Variants in ZNF280D observed in about 807,000 individuals in gnomAD.
ZNF280D encodes zinc finger protein 280D.
A neutral mutation model predicts 94.7 loss-of-function variants in ZNF280D; 39 were observed. The ratio of observed to expected loss-of-function variants is 0.41; its 90% confidence interval spans 0.32 to 0.54. The LOEUF is 0.54. Among genes scored for constraint, ZNF280D ranks in the 20% least tolerant of loss-of-function variants. The pLI is 0.22. For synonymous variants in ZNF280D, 398 were observed against 377.6 expected (o/e 1.05, Z -0.63); for missense variants, 1,090 against 1,149.3 (o/e 0.95, Z 0.75).
intron 3 of ZNF280D, among the ~76,000 whole-genome samples, chr15:56,705,417 G>A (rs1407091912): frequency 6.6e-6 from 1 of 152,090 alleles, no homozygotes; most frequent in Non-Finnish European, 1.5e-5. Context: ...CTCCAGTCTG[G>A]AGCAAAGAGA....
In ZNF280D at chr15:56,658,431, T is replaced by C; in HGVS notation, c.2050A>G (p.Asn684Asp). 1 of 1,588,898 alleles carries C rather than the reference T, an allele frequency of 6.3e-7. No homozygotes were observed. The highest frequency in any genetic ancestry group is 2.3e-5 in the East Asian group (1 of 43,780). ...AAAAGATCAACTAGTTACCGGAGAT[T>C]TTCTGAATGCTTCTTAAAAATACAA... ...RFCIFKKHSE[N>D]LRGITLVCLN... Residue 684 changes from asparagine (N) to aspartate (D), a missense_variant, in exon 17 of 22, where the codon AAT becomes GAT. Physicochemically the swap from Asn to Asp is conservative, Grantham distance 23. Around this residue, in one of 3 missense-constraint regions of ZNF280D, gnomAD observed 577 missense variants for 568.8 expected, o/e 1.01. Coordinates refer to ENST00000267807, the MANE Select transcript of ZNF280D (RefSeq NM_017661.4).
intron 4 of ZNF280D, among the ~76,000 whole-genome samples, chr15:56,702,453 T>C (rs1365733196): frequency 1.3e-5 from 2 of 152,156 alleles, no homozygotes; most frequent in Non-Finnish European, 2.9e-5. Context: ...CTTAACACTG[T>C]AGAAAAGAAA....
intron 17 of ZNF280D, chr15:56,654,858 A>T (rs1362713111): frequency 2.2e-6 from 1 of 461,256 alleles, no homozygotes; most frequent in Admixed American, 2.3e-5. Flanking sequence ...AAGTGAACAT[A>T]GCGTATTCAT....
At position 56,682,244 on chromosome 15, in the gene ZNF280D, A is replaced by G; in HGVS notation, c.1004+10T>C. The G allele has an allele frequency of 6.6e-7, 1 of 1,515,936 alleles. No homozygotes were observed. The allele number at this position is 1,515,936 out of a possible 1,614,324, so 93.9% of individuals were successfully genotyped here. On this transcript the variant is annotated intron_variant, in intron 10 of 21. Coordinates refer to ENST00000267807, the MANE Select transcript of ZNF280D (RefSeq NM_017661.4). The stretch of plus-strand genomic sequence containing the variant: ...ATTTTCAATAGAAATAAAAACAAGT[A>G]TTTACATACCTAATGTTATTTTTTA...
intron 20 of ZNF280D, among the ~76,000 whole-genome samples, chr15:56,637,562 G>A (rs1596321417): frequency 2.0e-5 from 3 of 152,088 alleles, no homozygotes; most frequent in Admixed American, 6.5e-5. Flanking sequence ...TGAAGTCTAC[G>A]CAATTTTCAT....
chr15:56,680,928 C>T (rs1245278746), intron 10 of ZNF280D, among the ~76,000 whole-genome samples: 4 of 152,148 alleles, frequency 2.6e-5, no homozygotes, highest in African/African-American at 4.8e-5. Flanking sequence ...CATGATTTCC[C>T]GATGTTGGCA....
rs555540887 is a variant in ZNF280D at position 56,638,876 on chromosome 15, A to C, written c.2260-3626T>G. On this transcript the variant is annotated intron_variant, in intron 20 of 21. Transcript: ENST00000267807. ...ATGCAAGACAGCCCTGTCTCCATTC[A>C]AACACATACGGTTTTCAATGATTAT... 4.6e-5 allele frequency among the ~76,000 whole-genome samples: 7 copies of C among 152,228 alleles called. No homozygotes were observed. In the East Asian group the frequency reaches 1.4e-3, roughly 29 times the overall value.
chr15:56,685,326 T>C (rs755516974), intron 9 of ZNF280D, among the ~76,000 whole-genome samples: 1 of 141,774 alleles, frequency 7.1e-6, no homozygotes, highest in Non-Finnish European at 1.5e-5. Context: ...TCAAAACAAA[T>C]ATGACATAAG....
At chr15:56,704,386 T>C in intron 3 of ZNF280D, 119 bp from the exon 4 acceptor site, 2 of 983,298 alleles carry the variant, frequency 2.0e-6, no homozygotes, top group Non-Finnish European at 3.0e-6. Flanking sequence ...AATTTCTGAA[T>C]TGATATTTGT....
chr15:56,717,978 T>G (rs1415893502), intron 1 of ZNF280D, among the ~76,000 whole-genome samples: 1 of 152,114 alleles, frequency 6.6e-6, no homozygotes, highest in Non-Finnish European at 1.5e-5. Flanking sequence ...TATGAAAAAT[T>G]TAAACATTAT....
At chr15:56,719,493 G>A (rs1378105654) in intron 1 of ZNF280D, among the ~76,000 whole-genome samples, 1 of 152,066 alleles carries the variant, frequency 6.6e-6, no homozygotes, top group Non-Finnish European at 1.5e-5. Context: ...CCAAGCAGAT[G>A]CTGGTACCAC....
intron 1 of ZNF280D, 80 bp downstream of exon 1, chr15:56,733,378 C>T: frequency 2.3e-6 from 2 of 858,634 alleles, no homozygotes; most frequent in East Asian, 1.2e-4. Context: ...CCAGCGCCCC[C>T]GGAGTGAGGC....
intron 19 of ZNF280D, among the ~76,000 whole-genome samples, chr15:56,646,311 C>T (rs2052890205): frequency 6.6e-6 from 1 of 152,006 alleles, no homozygotes; most frequent in Non-Finnish European, 1.5e-5. Flanking sequence ...ACCTGAGTCC[C>T]AGCTCAGTCT....
chr15:56,715,719 C>CA lies in ZNF280D; in HGVS notation c.-85-8414dup, dbSNP rs563900103. Reference sequence around the variant, plus strand: ...TGGTAGTAACAGTTTTGTATTTGCCCAAAAAAAAAATTAACAAAAATATAA... The same window carrying CA: ...TGGTAGTAACAGTTTTGTATTTGCCCAAAAAAAAAAATTAACAAAAATATAA... On this transcript the variant is annotated intron_variant, in intron 1 of 21. Coordinates refer to ENST00000267807, the MANE Select transcript of ZNF280D (RefSeq NM_017661.4). Among the ~76,000 whole-genome samples, 82 of 147,722 alleles carry CA rather than the reference C, an allele frequency of 5.6e-4. No individual in the cohort carries two copies. The South Asian group carries it at 8.7e-3, about 16-fold the overall frequency.
chr15:56,660,854 C>G (rs766209367), intron 16 of ZNF280D, among the ~76,000 whole-genome samples: 3 of 151,908 alleles, frequency 2.0e-5, no homozygotes, highest in Admixed American at 2.0e-4. Context: ...TAAGTAACAA[C>G]CTTACTTTCT....
chr15:56,640,965 T>C (rs1436857031), intron 20 of ZNF280D, among the ~76,000 whole-genome samples: 1 of 152,120 alleles, frequency 6.6e-6, no homozygotes, highest in Non-Finnish European at 1.5e-5. Context: ...GATGTATTTA[T>C]ACAAAACAAT....
chr15:56,641,434 CTTTT>C (rs2052623464), intron 20 of ZNF280D, among the ~76,000 whole-genome samples: 1 of 151,980 alleles, frequency 6.6e-6, no homozygotes, highest in African/African-American at 2.4e-5. Flanking sequence ...GATATTATAT[CTTTT>C]AATATTTGAT....
At chr15:56,702,541 A>G (rs1354098126) in intron 4 of ZNF280D, among the ~76,000 whole-genome samples, 1 of 152,192 alleles carries the variant, frequency 6.6e-6, no homozygotes, top group Non-Finnish European at 1.5e-5. Context: ...TACCATGAAG[A>G]GTCATCTACA....
In ZNF280D at chr15:56,676,690, G is replaced by A; in HGVS notation, c.1390C>T (p.His464Tyr). The change falls in exon 13 of 22, where the codon CAT becomes TAT. Residue 464 changes from histidine (H) to tyrosine (Y), a missense_variant. His to Tyr is a moderately conservative substitution (Grantham distance 83, BLOSUM62 2). This residue lies in a region of ZNF280D where 127 missense variants were observed against 208.6 expected (regional missense o/e 0.61). Transcript: ENST00000267807. Reference protein sequence around the residue: ...KVIKIATPYMHHYMKHQKKGI... With the variant: ...KVIKIATPYMYHYMKHQKKGI... ...CTCACCTGATGCTTCATATAATGAT[G>A]CATATATGGTGTTGCAATTTTAATA... 3.7e-6 allele frequency: 6 copies of A among 1,610,114 alleles called. No individual in the cohort carries two copies. The highest frequency in any genetic ancestry group is 4.2e-6 in the Non-Finnish European group (5 of 1,178,260).
Sources: allele counts gnomAD v4.1 joint callset (sites outside exome capture counted in the v4.1 genomes callset), GRCh38; gene constraint gnomAD v4.1.1; regional missense constraint gnomAD v4.1.1; transcripts MANE v1.5; gene names NCBI Gene and HGNC (gene_info 2026-07-23, HGNC 2026-07-21).